The following CLIP2 variants were observed in gnomAD, a reference collection of about 807,000 sequenced individuals.
CLIP2 encodes CAP-Gly domain-containing linker protein 2.
A neutral mutation model predicts 111.7 loss-of-function variants in CLIP2; 41 were observed. The ratio of observed to expected loss-of-function variants is 0.37; its 90% CI spans 0.29 to 0.48. The LOEUF (loss-of-function observed/expected upper bound fraction) is 0.48. Among genes scored for constraint, CLIP2 ranks in the 20% least tolerant of loss-of-function variants. The pLI, the probability that CLIP2 is intolerant of heterozygous loss-of-function variation, is 0.99. For missense variants in CLIP2, 1,160 were observed against 1,422.1 expected, an observed-to-expected ratio of 0.82 and a Z score of 2.96; for synonymous variants, 660 against 644.2, an observed-to-expected ratio of 1.02 and a Z score of -0.37.
At chr7:74,309,579 C>T (rs933277513) in intron 1 of CLIP2, among the ~76,000 whole-genome samples, 5 of 152,050 alleles carry the variant, frequency 3.3e-5, no homozygotes, top group Admixed American at 2.0e-4. Context: ...TTCATCCGGC[C>T]GGGCGTGGTG....
intron 14 of CLIP2, among the ~76,000 whole-genome samples, chr7:74,398,918 T>A (rs1554317113): frequency 6.6e-6 from 1 of 152,172 alleles, no homozygotes; most frequent in African/African-American, 2.4e-5. Flanking sequence ...CTGGTGCCCA[T>A]GGGGCACAGA....
At position 74,356,564 on chromosome 7, in the gene CLIP2, A is replaced by G. The variant is rs556672678; in HGVS notation, c.958A>G (p.Ile320Val). 4 of 1,614,126 alleles carry G rather than the reference A, an allele frequency of 2.5e-6. No homozygotes were observed. Among genetic ancestry groups the G allele is most frequent in the East Asian group, 2.2e-5 (1 of 44,876 alleles). The change falls in exon 5 of 17, where the codon ATC becomes GTC. Residue 320 changes from isoleucine (I) to valine (V), a missense_variant. Coordinates refer to ENST00000223398, the MANE Select transcript of CLIP2 (RefSeq NM_003388.5). ...ALTHSPSSSS[I>V]SSVSSVASSV... ...GACCCACAGTCCCAGCAGTTCCTCC[A>G]TCAGCTCCGTCAGCTCTGTGGCCTC...
At chr7:74,347,096 C>T (rs1191665644) in intron 3 of CLIP2, among the ~76,000 whole-genome samples, 1 of 152,026 alleles carries the variant, frequency 6.6e-6, no homozygotes, top group Non-Finnish European at 1.5e-5. Context: ...CGTCCCCGTT[C>T]CTGCCTTGCC....
At chr7:74,395,843 A>G (rs115420578) in intron 13 of CLIP2, among the ~76,000 whole-genome samples, 44,215 of 152,024 alleles carry the variant, frequency 0.29, 6,739 homozygotes, top group Middle Eastern at 0.39. Context: ...ATCTGGAGGT[A>G]GCTGTGACTG....
chr7:74,360,283 G>A lies in CLIP2; in HGVS notation c.1319+5G>A, dbSNP rs782579623. ...CCAGCTGGAGGAGGAGAGGAGGTAC[G>A]TGCTGGCCCACCCTCGCCCTGGCCC... On this transcript the variant is annotated splice_donor_5th_base_variant and intron_variant, in intron 7 of 16. Coordinates refer to ENST00000223398, the MANE Select transcript of CLIP2 (RefSeq NM_003388.5). The A allele has an allele frequency of 3.3e-5, 52 of 1,586,568 alleles. No individual in the cohort carries two copies. The highest frequency in any genetic ancestry group is 3.2e-4 in the South Asian group (28 of 87,260).
chr7:74,305,783 C>T (rs782036356), intron 1 of CLIP2, among the ~76,000 whole-genome samples: 28 of 151,976 alleles, frequency 1.8e-4, no homozygotes, highest in South Asian at 4.2e-4. Flanking sequence ...CATGAGTCAC[C>T]GCACCCGGTC....
At chr7:74,344,978 C>T (rs1789763594) in intron 3 of CLIP2, among the ~76,000 whole-genome samples, 1 of 152,120 alleles carries the variant, frequency 6.6e-6, no homozygotes, top group Non-Finnish European at 1.5e-5. Flanking sequence ...ATTGAGAAGG[C>T]CACAGAGTGT....
chr7:74,350,492 G>A (rs1446227150), intron 3 of CLIP2, among the ~76,000 whole-genome samples: 2 of 152,064 alleles, frequency 1.3e-5, no homozygotes, highest in African/African-American at 4.8e-5. Context: ...ACAGGCATGA[G>A]CCACCATCTT....
chr7:74,353,848 C>T (rs782083132), intron 3 of CLIP2, 32 bp from the exon 4 acceptor site: 3 of 1,613,872 alleles, frequency 1.9e-6, no homozygotes, highest in South Asian at 2.2e-5. Context: ...CCACTGCATC[C>T]TCTAGACCTG....
chr7:74,381,414 C>T (rs967680837), intron 11 of CLIP2, among the ~76,000 whole-genome samples: 4 of 152,172 alleles, frequency 2.6e-5, no homozygotes, highest in Non-Finnish European at 5.9e-5. Flanking sequence ...GTCTCGATCT[C>T]CTGACTGCGT....
chr7:74,293,102 G>A (rs1554725609), intron 1 of CLIP2, among the ~76,000 whole-genome samples: 3 of 152,176 alleles, frequency 2.0e-5, no homozygotes, highest in African/African-American at 7.2e-5. Context: ...ATGGTTTGAG[G>A]AGCAGGGCTG....
At chr7:74,368,344 C>T (rs531030854) in intron 8 of CLIP2, among the ~76,000 whole-genome samples, 49 of 152,070 alleles carry the variant, frequency 3.2e-4, no homozygotes, top group African/African-American at 1.1e-3. Context: ...AGTGAAACCC[C>T]GTCTCTAGTA....
At chr7:74,366,531 T>TGTGTGGCTTAAAACAGCACAAAC (rs1391096073) in intron 8 of CLIP2, among the ~76,000 whole-genome samples, 1 of 152,224 alleles carries the variant, frequency 6.6e-6, no homozygotes, top group Non-Finnish European at 1.5e-5. Flanking sequence ...CAGCCACAAA[T>TGTGTGGCTTAAAACAGCACAAAC]GTGTGGCTTA....
At chr7:74,298,387 A>AACT (rs1584302435) in intron 1 of CLIP2, among the ~76,000 whole-genome samples, 1 of 122,842 alleles carries the variant, frequency 8.1e-6, no homozygotes, top group East Asian at 2.3e-4. Flanking sequence ...TATTTTTAGT[A>AACT]GAGACAGGGT....
At chr7:74,307,572 C>T (rs1443826394) in intron 1 of CLIP2, among the ~76,000 whole-genome samples, 2 of 152,164 alleles carry the variant, frequency 1.3e-5, no homozygotes, top group Non-Finnish European at 2.9e-5. Context: ...CTCACCACAA[C>T]CTCCGCCTCC....
intron 2 of CLIP2, among the ~76,000 whole-genome samples, chr7:74,334,571 G>C (rs781924761): frequency 6.6e-6 from 1 of 152,112 alleles, no homozygotes; most frequent in Admixed American, 6.6e-5. Context: ...GGGCTACAGT[G>C]GTTCTGTTCA....
At chr7:74,340,124 G>C (rs370392116) in intron 3 of CLIP2, among the ~76,000 whole-genome samples, 3 of 151,312 alleles carry the variant, frequency 2.0e-5, no homozygotes, top group Non-Finnish European at 4.4e-5. Context: ...GGCCAAGCAC[G>C]GTGGCTCACA....
At position 74,322,001 on chromosome 7, in the gene CLIP2, T is replaced by TC. The variant is rs1443824520; in HGVS notation, c.121+4334_121+4335insC. On this transcript the variant is annotated intron_variant, in intron 2 of 16. Transcript: ENST00000223398. ...TTTATTTTTCCTTTTTTTTTTTTTTTGAGACAGAGTCTTGCTCTGTCGACC... is the reference window on the plus strand; with the variant it reads ...TTTATTTTTCCTTTTTTTTTTTTTTTCGAGACAGAGTCTTGCTCTGTCGACC... Among the ~76,000 whole-genome samples the TC allele has an allele frequency of 4.0e-5, 6 of 148,474 alleles. No individual in the cohort carries two copies. In the East Asian group the frequency reaches 1.2e-3, roughly 29 times the overall value.
intron 3 of CLIP2, among the ~76,000 whole-genome samples, chr7:74,342,635 C>T (rs781932971): frequency 6.6e-5 from 10 of 152,038 alleles, no homozygotes; most frequent in Non-Finnish European, 1.3e-4. Flanking sequence ...GAGCAGGGGC[C>T]GTGTGCGGTG....
Sources: allele counts gnomAD v4.1 joint callset (sites outside exome capture counted in the v4.1 genomes callset), GRCh38; gene constraint gnomAD v4.1.1; transcripts MANE v1.5; gene names NCBI Gene and HGNC (gene_info 2026-07-23, HGNC 2026-07-21).